The following BRD7 variants were observed in gnomAD, a reference collection of about 807,000 sequenced individuals.
The protein encoded by BRD7 is bromodomain-containing protein 7.
A neutral mutation model predicts 82.1 loss-of-function variants in BRD7; 15 were observed. The ratio of observed to expected loss-of-function variants is 0.18; its 90% CI spans 0.12 to 0.28. BRD7 has a LOEUF of 0.28. Among genes scored for constraint, BRD7 ranks in the 10% least tolerant of loss-of-function variants. The probability of loss-of-function intolerance (pLI) is 1.00; values close to 1 mark genes in which losing one functional copy is unlikely to be tolerated. For missense variants in BRD7, 638 were observed against 779.9 expected (o/e 0.82, Z 2.17); for synonymous variants, 232 against 266.9 (o/e 0.87, Z 1.27).
In BRD7 at chr16:50,322,017, G is replaced by C. The variant is rs772774392; in HGVS notation, c.1465C>G (p.His489Asp). The change falls in exon 13 of 17, where the codon CAT becomes GAT. Residue 489 changes from histidine (H) to aspartate (D), a missense_variant. Coordinates refer to ENST00000394688, the MANE Select transcript of BRD7 (RefSeq NM_013263.5). ...TTTGCTGTGTCAAGTGTCCTAGTAT[G>C]GCCTTCATCTTCAGGCAATGACTAT... ...MEMSLPEDEG[H>D]TRTLDTAKEM... is the part of the protein sequence containing the mutation. 24 of 1,610,516 alleles carry C rather than the reference G, an allele frequency of 1.5e-5. No individual in the cohort carries two copies. The South Asian group carries it at 2.6e-4, about 17-fold the overall frequency.
intron 14 of BRD7, 135 bp downstream of exon 14, chr16:50,320,528 C>A: frequency 7.1e-7 from 1 of 1,405,034 alleles, no homozygotes; most frequent in South Asian, 1.2e-5. Flanking sequence ...ATCAACACGC[C>A]ATACCCATTC....
chr16:50,325,482 C>T (rs1281830301), intron 11 of BRD7, among the ~76,000 whole-genome samples: 4 of 152,152 alleles, frequency 2.6e-5, no homozygotes, highest in African/African-American at 9.7e-5. Flanking sequence ...CAAGTTCCTA[C>T]ACTTTAGTAC....
intron 2 of BRD7, among the ~76,000 whole-genome samples, chr16:50,358,805 T>C (rs901240127): frequency 2.0e-5 from 3 of 152,118 alleles, no homozygotes; most frequent in Non-Finnish European, 4.4e-5. Flanking sequence ...AAAAAAAGAA[T>C]ATAAAAACAT....
At chr16:50,361,039 T>C (rs1438408047) in intron 2 of BRD7, among the ~76,000 whole-genome samples, 1 of 152,224 alleles carries the variant, frequency 6.6e-6, no homozygotes, top group Non-Finnish European at 1.5e-5. Flanking sequence ...TGCTCCTCTC[T>C]AGTTAAAAGC....
chr16:50,329,914 C>T (rs1037445844), intron 8 of BRD7, among the ~76,000 whole-genome samples: 9 of 152,196 alleles, frequency 5.9e-5, no homozygotes, highest in African/African-American at 2.2e-4. Context: ...GCTGTAATGG[C>T]TCTGTAAAAT....
At chr16:50,354,159 A>G (rs1488137910) in intron 4 of BRD7, among the ~76,000 whole-genome samples, 1 of 152,250 alleles carries the variant, frequency 6.6e-6, no homozygotes, top group Non-Finnish European at 1.5e-5. Flanking sequence ...TTCCTGGCTT[A>G]AAGTTTTAAC....
At position 50,326,334 on chromosome 16, in the gene BRD7, A is replaced by G. The variant is rs1466267507; in HGVS notation, c.1145T>C (p.Val382Ala). Residue 382 changes from valine (V) to alanine (A), a missense_variant, in exon 10 of 17, where the codon GTG becomes GCG. By Grantham distance (64) the Val-to-Ala change is moderately conservative. Coordinates refer to ENST00000394688, the MANE Select transcript of BRD7 (RefSeq NM_013263.5). ...GMTTGRLQSGVNTLQGFKEDK... is the reference protein window; with the variant it reads ...GMTTGRLQSGANTLQGFKEDK... ...CTCTTTGAACCCCTGCAAAGTATTC[A>G]CTCCAGACTGAAGTCTTCCAGTTGT... The G allele has an allele frequency of 1.2e-6, 2 of 1,606,768 alleles. No homozygotes were observed. The highest frequency in any genetic ancestry group is 3.4e-5 in the Admixed American group (2 of 59,576).
At position 50,317,240 on chromosome 16, in the gene BRD7, ATT is replaced by A. The variant is rs1170540951; in HGVS notation, c.*1969_*1970del. 2.0e-5 allele frequency: 3 copies of A among 151,016 alleles called. No homozygotes were observed. The highest frequency in any genetic ancestry group is 7.5e-5 in the African/African-American group (3 of 39,754). The allele number at this position is 151,016 out of a possible 1,614,324, so 9.4% of individuals were successfully genotyped here. ...ATAGAAGAACTTGCTGTATAAAGGA[ATT>A]TCATGGCAACAATGCTGGTAAGGGC... On this transcript the variant is annotated 3_prime_UTR_variant, in exon 17 of 17. Transcript: ENST00000394688.
intron 5 of BRD7, among the ~76,000 whole-genome samples, chr16:50,340,515 T>A (rs77779920): frequency 0.016 from 2,413 of 152,360 alleles, 57 homozygotes; most frequent in African/African-American, 0.054. Flanking sequence ...CATTTAGGAA[T>A]TGAACATTTT....
chr16:50,330,118 C>G (rs1315252498), intron 8 of BRD7, among the ~76,000 whole-genome samples: 1 of 152,156 alleles, frequency 6.6e-6, no homozygotes, highest in African/African-American at 2.4e-5. Context: ...CAGACAGATT[C>G]CTCTCAGATC....
At chr16:50,341,642 CAAAAAAAA>C (rs5816690) in intron 5 of BRD7, among the ~76,000 whole-genome samples, 1 of 106,180 alleles carries the variant, frequency 9.4e-6, no homozygotes, top group Non-Finnish European at 1.9e-5. Flanking sequence ...GACTCGGTCT[CAAAAAAAA>C]AAAAAAAAAA....
chr16:50,353,303 G>C (rs769905214), intron 4 of BRD7, among the ~76,000 whole-genome samples: 1 of 151,976 alleles, frequency 6.6e-6, no homozygotes, highest in Non-Finnish European at 1.5e-5. Context: ...GGCCTCAACT[G>C]ATCCTCCCAC....
chr16:50,336,934 T>A (rs1395844432), intron 6 of BRD7, among the ~76,000 whole-genome samples: 1 of 152,228 alleles, frequency 6.6e-6, no homozygotes, highest in African/African-American at 2.4e-5. Flanking sequence ...CAATATTAAA[T>A]GGCTAACAGG....
At position 50,323,440 on chromosome 16, in the gene BRD7, C is replaced by T. The variant is rs561757045; in HGVS notation, c.1443+147G>A. 22 of 629,430 alleles carry T rather than the reference C, an allele frequency of 3.5e-5. No individual in the cohort carries two copies. In the South Asian group the frequency reaches 4.2e-4, roughly 12 times the overall value. The allele number at this position is 629,430 out of a possible 1,614,324, so 39.0% of individuals were successfully genotyped here. ...ATTACTCCTTTCCGTTTATTGTCCA[C>T]CCGTGGCCTCCAGCCGGGCTGGGCT... On this transcript the variant is annotated intron_variant, in intron 12 of 16. Coordinates refer to ENST00000394688, the MANE Select transcript of BRD7 (RefSeq NM_013263.5).
chr16:50,325,669 T>C (rs1037177889), intron 11 of BRD7, 79 bp downstream of exon 11: 30 of 1,352,738 alleles, frequency 2.2e-5, no homozygotes, highest in Non-Finnish European at 2.8e-5. Context: ...TCGGCCAGCT[T>C]TGTCAGTCTA....
At chr16:50,345,866 A>G (rs1018141967) in intron 5 of BRD7, among the ~76,000 whole-genome samples, 2 of 152,104 alleles carry the variant, frequency 1.3e-5, no homozygotes, top group African/African-American at 4.8e-5. Context: ...TCGACGAGAC[A>G]GAAAGTTAAC....
intron 6 of BRD7, among the ~76,000 whole-genome samples, chr16:50,338,255 C>T (rs78106766): frequency 2.4e-4 from 36 of 152,268 alleles, no homozygotes; most frequent in African/African-American, 7.9e-4. Context: ...CTTTCCTCTG[C>T]GAATGTTGTC....
At chr16:50,323,925 G>A (rs1050642067) in intron 11 of BRD7, among the ~76,000 whole-genome samples, 7 of 152,282 alleles carry the variant, frequency 4.6e-5, no homozygotes, top group African/African-American at 1.7e-4. Flanking sequence ...AAACCTCAGT[G>A]ACGGGTGCAG....
intron 13 of BRD7, 138 bp downstream of exon 13, chr16:50,321,843 GC>G: frequency 1.4e-6 from 1 of 727,834 alleles, no homozygotes; most frequent in South Asian, 1.7e-5. Flanking sequence ...TTTATGGTTT[GC>G]CATTTCAGCT....
Sources: gnomAD v4.1 joint callset for allele counts (sites outside exome capture counted in the v4.1 genomes callset) on GRCh38, gnomAD v4.1.1 for gene constraint, MANE v1.5 for transcripts, NCBI Gene and HGNC (gene_info 2026-07-23, HGNC 2026-07-21) for gene names.